The following DOCK9 variants were observed in gnomAD, a reference collection of about 807,000 sequenced individuals.
DOCK9 encodes dedicator of cytokinesis 9, also known as dedicator of cytokinesis protein 9.
Under a neutral mutation model 263.3 loss-of-function variants are expected in DOCK9, and 89 were observed. The observed-to-expected ratio is 0.34, with a 90% CI of 0.28 to 0.40. The LOEUF (loss-of-function observed/expected upper bound fraction) is 0.40. Ranked by LOEUF, DOCK9 falls within the 10% of genes least tolerant of loss-of-function variation. DOCK9 has a pLI of 1.00. For synonymous variants in DOCK9, 976 were observed against 973.1 expected, an observed-to-expected ratio of 1.00 and a Z score of -0.06; for missense variants, 2,140 against 2,603.4, an observed-to-expected ratio of 0.82 and a Z score of 3.87.
intron 2 of DOCK9, among the ~76,000 whole-genome samples, chr13:98,932,436 AAAC>A (rs1269495692): frequency 1.3e-5 from 2 of 151,358 alleles, no homozygotes; most frequent in Admixed American, 6.6e-5. Flanking sequence ...ACAAACAAAA[AAAC>A]AGATCATAGT....
chr13:99,030,361 T>C (rs1484943034), intron 1 of DOCK9, among the ~76,000 whole-genome samples: 1 of 152,256 alleles, frequency 6.6e-6, no homozygotes, highest in Non-Finnish European at 1.5e-5. Context: ...CATTTGTTTC[T>C]GTACATATAT....
intron 1 of DOCK9, among the ~76,000 whole-genome samples, chr13:99,055,449 C>A (rs771481923): frequency 3.3e-5 from 5 of 151,992 alleles, no homozygotes; most frequent in Non-Finnish European, 7.4e-5. Context: ...GCCTCCAGTG[C>A]GGGGAAGGGG....
chr13:98,867,655 T>G, intron 29 of DOCK9, 119 bp from the exon 30 acceptor site: 1 of 726,518 alleles, frequency 1.4e-6, no homozygotes, highest in Non-Finnish European at 2.3e-6. Flanking sequence ...TTCTTAGAAC[T>G]GCACACTCTA....
intron 20 of DOCK9, 29 bp from the exon 21 acceptor site, chr13:98,885,121 ACAG>A: frequency 6.2e-7 from 1 of 1,610,822 alleles, no homozygotes; most frequent in Non-Finnish European, 8.5e-7. Flanking sequence ...AACAACAACA[ACAG>A]AACACTGTGA....
At chr13:98,896,044 A>T (rs901150528) in intron 15 of DOCK9, among the ~76,000 whole-genome samples, 31 of 152,282 alleles carry the variant, frequency 2.0e-4, no homozygotes, top group African/African-American at 7.0e-4. Context: ...TCCCTACGTG[A>T]GCTGTGAAAG....
intron 15 of DOCK9, among the ~76,000 whole-genome samples, chr13:98,894,478 TTC>T (rs1413470187): frequency 6.6e-6 from 1 of 152,126 alleles, no homozygotes; most frequent in African/African-American, 2.4e-5. Flanking sequence ...AATATATATT[TTC>T]TTTCAAAAAA....
intron 9 of DOCK9, among the ~76,000 whole-genome samples, chr13:98,907,791 C>A (rs1407777235): frequency 2.0e-5 from 3 of 152,094 alleles, no homozygotes; most frequent in Non-Finnish European, 4.4e-5. Flanking sequence ...CAAGTAAAAT[C>A]TAAGAGGTAG....
Position 98,903,012 on chromosome 13 carries a change from T to C in DOCK9, c.1136A>G (p.Gln379Arg), listed in dbSNP as rs549360944. 1 of 1,535,710 alleles carries C rather than the reference T, an allele frequency of 6.5e-7. No homozygotes were observed. The highest frequency in any genetic ancestry group is 2.5e-5 in the East Asian group (1 of 40,436). ...TTCTTCATTTTCGGCAACACAGCAT[T>C]GCAAATTGAAAGATAAATCATTGCA... ...VKCNDLSFNLQCCVAENEEGP... is the reference protein window; with the variant it reads ...VKCNDLSFNLRCCVAENEEGP... The change falls in exon 11 of 53, where the codon CAA becomes CGA. Residue 379 changes from glutamine to arginine, a missense_variant. Transcript: ENST00000682017.
intron 1 of DOCK9, among the ~76,000 whole-genome samples, chr13:99,008,379 G>A (rs545752700): frequency 5.3e-5 from 8 of 151,660 alleles, no homozygotes; most frequent in African/African-American, 9.7e-5. Context: ...GATTATAGGT[G>A]CCTGCCACCA....
At chr13:98,945,497 G>A (rs775791027) in intron 2 of DOCK9, among the ~76,000 whole-genome samples, 8 of 152,154 alleles carry the variant, frequency 5.3e-5, no homozygotes, top group South Asian at 4.2e-4. Flanking sequence ...GCCCTCTAGT[G>A]TCTTCTTTTC....
chr13:99,016,327 A>T (rs1566304678), intron 1 of DOCK9, among the ~76,000 whole-genome samples: 1 of 152,178 alleles, frequency 6.6e-6, no homozygotes, highest in Non-Finnish European at 1.5e-5. Context: ...ACCACAAGGG[A>T]ACACAACATT....
At chr13:99,038,985 A>G (rs543419938) in intron 1 of DOCK9, among the ~76,000 whole-genome samples, 23 of 152,322 alleles carry the variant, frequency 1.5e-4, no homozygotes, top group African/African-American at 5.1e-4. Context: ...TAAAACATTA[A>G]ATAACTTAAC....
chr13:99,004,995 CTTTG>C (rs1197494719), intron 1 of DOCK9, among the ~76,000 whole-genome samples: 2 of 151,766 alleles, frequency 1.3e-5, no homozygotes, highest in East Asian at 3.9e-4. Context: ...CATGAATAGA[CTTTG>C]TTTGGAAACT....
chr13:98,969,813 G>A (rs1254770283), intron 1 of DOCK9, among the ~76,000 whole-genome samples: 1 of 152,234 alleles, frequency 6.6e-6, no homozygotes, highest in Non-Finnish European at 1.5e-5. Flanking sequence ...CACCCCAGGT[G>A]GAAGGAAGAC....
At chr13:98,813,227 T>TACAC (rs1030791111) in intron 45 of DOCK9, among the ~76,000 whole-genome samples, 5 of 152,250 alleles carry the variant, frequency 3.3e-5, no homozygotes, top group Non-Finnish European at 7.3e-5. Flanking sequence ...CTTGCCTTAC[T>TACAC]ACACTGGCTA....
chr13:99,046,258 C>T (rs2040428083), intron 1 of DOCK9, among the ~76,000 whole-genome samples: 2 of 152,012 alleles, frequency 1.3e-5, no homozygotes, highest in South Asian at 4.1e-4. Context: ...CCTGGCATAT[C>T]TTCACTTGGA....
chr13:98,920,868 G>A (rs937472819), intron 7 of DOCK9, 86 bp downstream of exon 7: 91 of 1,314,628 alleles, frequency 6.9e-5, no homozygotes, highest in Non-Finnish European at 9.2e-5. Context: ...TGCCATTTTT[G>A]GAAGTGTTTG....
intron 33 of DOCK9, 130 bp downstream of exon 33, chr13:98,860,275 A>T (rs2093822555): frequency 3.8e-5 from 56 of 1,478,796 alleles, no homozygotes; most frequent in Non-Finnish European, 4.9e-5. Flanking sequence ...CAAGCAGGAA[A>T]AGAATACTCA....
At position 98,922,039 on chromosome 13, in the gene DOCK9, G is replaced by A. The variant is rs986179338; in HGVS notation, c.582+12C>T. On this transcript the variant is annotated intron_variant, in intron 6 of 52. Coordinates refer to ENST00000682017, the MANE Select transcript of DOCK9 (RefSeq NM_001366683.2). ...TTGTGAGAGGGGAGGGCAAAGTGAT[G>A]TGCGTCCTCACCCTCATGGTCACGC... 1.9e-6 allele frequency: 3 copies of A among 1,575,092 alleles called. No homozygotes were observed. The highest frequency in any genetic ancestry group is 2.3e-5 in the South Asian group (2 of 85,912).
Sources: gnomAD v4.1 joint callset for allele counts (sites outside exome capture counted in the v4.1 genomes callset) on GRCh38, gnomAD v4.1.1 for gene constraint, MANE v1.5 for transcripts, NCBI Gene and HGNC (gene_info 2026-07-23, HGNC 2026-07-21) for gene names.